The following PCSK5 variants were observed in gnomAD, a reference collection of about 807,000 sequenced individuals.
PCSK5 encodes prohormone convertase 5.
A neutral mutation model predicts 233.2 loss-of-function variants in PCSK5; 129 were observed. That is an observed-to-expected ratio of 0.55 (90% CI 0.48 to 0.64). PCSK5 has a LOEUF of 0.64. PCSK5 is among the 30% of genes least tolerant of loss of function. The probability of loss-of-function intolerance (pLI) is 0.00; values close to 1 mark genes in which losing one functional copy is unlikely to be tolerated. For missense variants in PCSK5, 2,076 were observed against 2,430.1 expected (o/e 0.85, Z 3.06); for synonymous variants, 825 against 879.2 (o/e 0.94, Z 1.09).
At chr9:75,999,331 GACAC>G (rs545078293) in intron 3 of PCSK5, among the ~76,000 whole-genome samples, 1 of 151,706 alleles carries the variant, frequency 6.6e-6, no homozygotes, top group Non-Finnish European at 1.5e-5. Context: ...AGGAATTAAA[GACAC>G]ACACACACAC....
intron 7 of PCSK5, among the ~76,000 whole-genome samples, chr9:76,083,204 C>CAAAAAAAAAAAA (rs11324176): frequency 1.3e-5 from 1 of 75,460 alleles, no homozygotes. Context: ...AGCGAGATCT[C>CAAAAAAAAAAAA]AAAAAAAAAA....
intron 10 of PCSK5, among the ~76,000 whole-genome samples, chr9:76,141,356 T>A (rs1823217403): frequency 6.6e-6 from 1 of 152,130 alleles, no homozygotes; most frequent in African/African-American, 2.4e-5. Flanking sequence ...AACAAAAAAA[T>A]TCACTCAGCT....
At position 76,351,460 on chromosome 9, in the gene PCSK5, GAAAGAAAGAAAGAAAGA is replaced by G. The variant is rs1830130254; in HGVS notation, c.5067+535_5067+551del. ...ATGTGAAAGAAAGGAAAGAAAGAAAGAAAGAAAGAAAGAAAGAAAGAAAGAAAGAAAGAAAGAAAGAA... is the reference window on the plus strand; with the variant it reads ...ATGTGAAAGAAAGGAAAGAAAGAAAGAAGAAAGAAAGAAAGAAAGAAAGAA... On this transcript the variant is annotated intron_variant, in intron 36 of 37. Coordinates refer to ENST00000674117, the MANE Select transcript of PCSK5 (RefSeq NM_001372043.1). Among the ~76,000 whole-genome samples, 7 of 35,516 alleles carry G rather than the reference GAAAGAAAGAAAGAAAGA, an allele frequency of 2.0e-4. 3 individuals are homozygous for G. Among genetic ancestry groups the G allele is most frequent in the South Asian group, 2.2e-3 (2 of 896 alleles). The allele number at this position is 35,516 out of a possible 152,430, so 23.3% of individuals were successfully genotyped here.
intron 10 of PCSK5, among the ~76,000 whole-genome samples, chr9:76,136,364 G>A (rs1822978011): frequency 6.6e-6 from 1 of 152,066 alleles, no homozygotes; most frequent in Admixed American, 6.6e-5. Flanking sequence ...TACTAGGACT[G>A]CAGAAAGATG....
chr9:75,995,566 G>C (rs1826978056), intron 3 of PCSK5, among the ~76,000 whole-genome samples: 2 of 152,086 alleles, frequency 1.3e-5, no homozygotes, highest in African/African-American at 2.4e-5. Context: ...CTTGAATTGG[G>C]AGTTGTGTTC....
At chr9:76,323,391 G>A (rs981539931) in intron 32 of PCSK5, 103 bp downstream of exon 32, 14 of 712,454 alleles carry the variant, frequency 2.0e-5, no homozygotes, top group Non-Finnish European at 3.0e-5. Context: ...GTTGTGTTTT[G>A]TTTTTGTTTT....
At chr9:76,311,019 T>C (rs1032890141) in intron 30 of PCSK5, among the ~76,000 whole-genome samples, 168 bp downstream of exon 30, 5 of 152,196 alleles carry the variant, frequency 3.3e-5, no homozygotes, top group African/African-American at 1.2e-4. Context: ...AAAACTTACA[T>C]GAGGCCAGAT....
At chr9:76,211,807 C>A (rs912397023) in intron 20 of PCSK5, among the ~76,000 whole-genome samples, 3 of 152,098 alleles carry the variant, frequency 2.0e-5, no homozygotes, top group Admixed American at 1.3e-4. Flanking sequence ...GTGATTGTGC[C>A]TTTGCACTCC....
At chr9:75,932,235 CATT>C (rs1823840873) in intron 1 of PCSK5, 141 bp from the exon 2 acceptor site, 14 of 610,146 alleles carry the variant, frequency 2.3e-5, no homozygotes, top group Non-Finnish European at 3.8e-5. Context: ...GTTCAGGTAA[CATT>C]TAAGCACAGC....
chr9:76,209,146 G>GC (rs1172245731), intron 20 of PCSK5, among the ~76,000 whole-genome samples: 18 of 152,186 alleles, frequency 1.2e-4, no homozygotes, highest in Non-Finnish European at 2.4e-4. Flanking sequence ...CAAATGTCTA[G>GC]CCTACTAAAA....
intron 25 of PCSK5, among the ~76,000 whole-genome samples, chr9:76,293,256 A>G (rs1420591884): frequency 6.6e-6 from 1 of 152,234 alleles, no homozygotes; most frequent in Non-Finnish European, 1.5e-5. Flanking sequence ...ATAGGTAAGA[A>G]AAAGTAAAAG....
chr9:76,232,339 A>G (rs1410682856), intron 21 of PCSK5, among the ~76,000 whole-genome samples: 1 of 152,220 alleles, frequency 6.6e-6, no homozygotes, highest in Non-Finnish European at 1.5e-5. Context: ...TGCGTATGCT[A>G]TGTGCTCAGT....
chr9:75,992,813 C>T (rs748483447), intron 3 of PCSK5, among the ~76,000 whole-genome samples: 1 of 151,978 alleles, frequency 6.6e-6, no homozygotes, highest in Non-Finnish European at 1.5e-5. Context: ...TGCACTACCT[C>T]GGATTTCATG....
intron 20 of PCSK5, among the ~76,000 whole-genome samples, chr9:76,222,033 C>G (rs1287380732): frequency 1.3e-5 from 2 of 152,198 alleles, no homozygotes; most frequent in African/African-American, 4.8e-5. Context: ...ATGTAGAACC[C>G]TCTTTCTAGC....
chr9:75,921,922 T>G (rs185882684), intron 1 of PCSK5, among the ~76,000 whole-genome samples: 2 of 152,358 alleles, frequency 1.3e-5, no homozygotes, highest in African/African-American at 4.8e-5. Context: ...TGTGCTGATA[T>G]GAAAATTTAT....
chr9:76,014,533 A>G (rs1209692253), intron 3 of PCSK5, among the ~76,000 whole-genome samples: 1 of 152,010 alleles, frequency 6.6e-6, no homozygotes. Context: ...GCTATATACC[A>G]AAACCAGAGG....
chr9:75,949,156 C>A (rs981653381), intron 2 of PCSK5, among the ~76,000 whole-genome samples: 2 of 150,296 alleles, frequency 1.3e-5, no homozygotes, highest in African/African-American at 4.9e-5. Flanking sequence ...AGGGACATAC[C>A]TATATTGAAG....
At chr9:75,922,268 A>G (rs1035508058) in intron 1 of PCSK5, among the ~76,000 whole-genome samples, 2 of 152,214 alleles carry the variant, frequency 1.3e-5, no homozygotes, top group Non-Finnish European at 2.9e-5. Context: ...AAGAGTTCCC[A>G]AGGATTATTC....
intron 33 of PCSK5, among the ~76,000 whole-genome samples, chr9:76,331,216 C>G (rs1829524861): frequency 6.6e-6 from 1 of 152,150 alleles, no homozygotes. Flanking sequence ...AATGGCCCCC[C>G]TGAAGATGAC....
Sources: allele counts gnomAD v4.1 joint callset (sites outside exome capture counted in the v4.1 genomes callset), GRCh38; gene constraint gnomAD v4.1.1; transcripts MANE v1.5; gene names NCBI Gene and HGNC (gene_info 2026-07-23, HGNC 2026-07-21).